Variants in RNF138 observed in about 807,000 individuals in gnomAD.
RNF138 encodes the protein E3 ubiquitin-protein ligase RNF138.
In RNF138, 12 loss-of-function variants were observed where a neutral mutation model predicts 31.0. The ratio of observed to expected loss-of-function variants is 0.39; its 90% confidence interval spans 0.25 to 0.63. RNF138 has a LOEUF of 0.63. RNF138 is among the 20% of genes least tolerant of loss of function. The pLI is 0.52. For missense variants in RNF138, 192 were observed against 300.1 expected (o/e 0.64, Z 2.66); for synonymous variants, 105 against 99.5 (o/e 1.06, Z -0.33).
intron 2 of RNF138, among the ~76,000 whole-genome samples, chr18:32,107,605 C>T (rs1294743999): frequency 6.6e-6 from 1 of 152,128 alleles, no homozygotes. Context: ...ACTGCAACCT[C>T]TGCCTCCCAG....
intron 2 of RNF138, among the ~76,000 whole-genome samples, chr18:32,103,358 T>C (rs2039974042): frequency 6.6e-6 from 1 of 151,902 alleles, no homozygotes; most frequent in Admixed American, 6.6e-5. Flanking sequence ...CTCACTAATT[T>C]TTAAAAATTT....
At chr18:32,114,902 G>A (rs2040190310) in intron 4 of RNF138, among the ~76,000 whole-genome samples, 1 of 152,198 alleles carries the variant, frequency 6.6e-6, no homozygotes, top group South Asian at 2.1e-4. Flanking sequence ...TGATTGTCTG[G>A]TAAAGATCTG....
intron 2 of RNF138, among the ~76,000 whole-genome samples, chr18:32,096,071 A>T (rs578186496): frequency 1.3e-5 from 2 of 152,244 alleles, no homozygotes; most frequent in African/African-American, 4.8e-5. Flanking sequence ...AGCCAAAGAC[A>T]GCGTAGTGGA....
At chr18:32,129,028 G>C (rs1449437730) in intron 7 of RNF138, 91 bp from the exon 8 acceptor site, 3 of 800,970 alleles carry the variant, frequency 3.7e-6, no homozygotes, top group Non-Finnish European at 6.6e-6. Flanking sequence ...GTCAAGATGT[G>C]TAATGTGTAT....
At chr18:32,127,592 C>T (rs1016163077) in intron 7 of RNF138, among the ~76,000 whole-genome samples, 7 of 152,056 alleles carry the variant, frequency 4.6e-5, no homozygotes, top group Non-Finnish European at 1.0e-4. Flanking sequence ...ATTATTTAGC[C>T]AATTTCAAAA....
chr18:32,103,986 A>G (rs548264362), intron 2 of RNF138, among the ~76,000 whole-genome samples: 4 of 151,302 alleles, frequency 2.6e-5, no homozygotes, highest in Admixed American at 2.6e-4. Context: ...AGAAAACTTC[A>G]TAGCAAATTA....
intron 4 of RNF138, among the ~76,000 whole-genome samples, chr18:32,115,761 A>G (rs774797638): frequency 2.6e-5 from 4 of 151,994 alleles, no homozygotes; most frequent in African/African-American, 4.8e-5. Flanking sequence ...ACACACACGC[A>G]CACACACGCA....
intron 2 of RNF138, among the ~76,000 whole-genome samples, chr18:32,111,130 G>A (rs1228671989): frequency 1.3e-5 from 2 of 152,214 alleles, no homozygotes; most frequent in African/African-American, 2.4e-5. Context: ...ATTGCATACT[G>A]TTTGGGAAAT....
chr18:32,121,534 A>T (rs2040306098), intron 4 of RNF138, among the ~76,000 whole-genome samples: 1 of 152,212 alleles, frequency 6.6e-6, no homozygotes, highest in Admixed American at 6.5e-5. Context: ...TTCTAAATAT[A>T]AAAAGGACTG....
At chr18:32,115,149 A>C (rs1039675364) in intron 4 of RNF138, among the ~76,000 whole-genome samples, 44 of 152,218 alleles carry the variant, frequency 2.9e-4, no homozygotes, top group African/African-American at 1.0e-3. Flanking sequence ...TGTCTTGTTG[A>C]GCATATCTCC....
At chr18:32,095,585 G>C (rs1267999623) in intron 2 of RNF138, among the ~76,000 whole-genome samples, 3 of 152,110 alleles carry the variant, frequency 2.0e-5, no homozygotes, top group Non-Finnish European at 4.4e-5. Flanking sequence ...TTTGATTCAC[G>C]AATAGAGAGT....
intron 2 of RNF138, among the ~76,000 whole-genome samples, chr18:32,111,290 G>T (rs982431326): frequency 6.6e-6 from 1 of 152,174 alleles, no homozygotes; most frequent in Non-Finnish European, 1.5e-5. Flanking sequence ...TTTATGTCTT[G>T]TGGAACAACA....
chr18:32,092,633 C>T (rs1447142865), intron 1 of RNF138, 67 bp from the exon 2 acceptor site: 3 of 651,770 alleles, frequency 4.6e-6, no homozygotes, highest in Non-Finnish European at 8.4e-6. Context: ...CTACCCAGGG[C>T]CCCGCCCCCT....
In RNF138 at chr18:32,111,936, ATC is replaced by A; in HGVS notation, c.276+23_276+24del. On this transcript the variant is annotated intron_variant, in intron 3 of 7. Transcript: ENST00000261593. ...GCAAAACAGGTAGAGTAAATGTGAC[ATC>A]TCTCTTCTTTGGAAGCCAAGTTTCT... 1.9e-6 allele frequency: 3 copies of A among 1,559,644 alleles called. No individual in the cohort carries two copies. The highest frequency in any genetic ancestry group is 2.6e-6 in the Non-Finnish European group (3 of 1,154,826).
At chr18:32,128,265 T>C (rs1293759245) in intron 7 of RNF138, among the ~76,000 whole-genome samples, 3 of 152,214 alleles carry the variant, frequency 2.0e-5, no homozygotes, top group Non-Finnish European at 4.4e-5. Flanking sequence ...CATCTGGGCA[T>C]GATGGCTCAT....
intron 2 of RNF138, among the ~76,000 whole-genome samples, chr18:32,097,992 T>G (rs1460040855): frequency 6.6e-6 from 1 of 151,374 alleles, no homozygotes; most frequent in East Asian, 1.9e-4. Context: ...TTTGTTTGTT[T>G]GTTTGTTTGT....
At chr18:32,098,089 C>T (rs747241245) in intron 2 of RNF138, among the ~76,000 whole-genome samples, 7 of 151,946 alleles carry the variant, frequency 4.6e-5, no homozygotes, top group Non-Finnish European at 7.4e-5. Flanking sequence ...CTGGTTCAAG[C>T]GATTCTACTC....
chr18:32,117,619 CAG>C (rs558394778), intron 4 of RNF138, among the ~76,000 whole-genome samples: 31 of 152,216 alleles, frequency 2.0e-4, no homozygotes, highest in Non-Finnish European at 4.4e-4. Context: ...ATTGGTAAAA[CAG>C]ACATTATTTT....
intron 2 of RNF138, among the ~76,000 whole-genome samples, chr18:32,093,121 T>A (rs1332947127): frequency 6.8e-6 from 1 of 147,220 alleles, no homozygotes; most frequent in African/African-American, 2.6e-5. Context: ...GCTCTCCCGC[T>A]CTCCCGCTCT....
Sources: gnomAD v4.1 joint callset for allele counts (sites outside exome capture counted in the v4.1 genomes callset) on GRCh38, gnomAD v4.1.1 for gene constraint, MANE v1.5 for transcripts, NCBI Gene and HGNC (gene_info 2026-07-23, HGNC 2026-07-21) for gene names.